Variants in DLGAP2 observed in about 807,000 individuals in gnomAD.
The protein encoded by DLGAP2 is DLG associated protein 2, also known as disks large-associated protein 2.
DLGAP2 carries 26 observed loss-of-function variants against 100.3 expected under a neutral mutation model. The observed-to-expected ratio is 0.26, with a 90% CI of 0.19 to 0.36. The LOEUF (loss-of-function observed/expected upper bound fraction) is 0.36. Ranked by LOEUF, DLGAP2 falls within the 10% of genes least tolerant of loss-of-function variation. The pLI, the probability that DLGAP2 is intolerant of heterozygous loss-of-function variation, is 1.00. For synonymous variants in DLGAP2, 886 were observed against 630.1 expected (o/e 1.41, Z -6.08); for missense variants, 1,858 against 1,453.2 (o/e 1.28, Z -4.53).
intron 3 of DLGAP2, among the ~76,000 whole-genome samples, chr8:1,371,913 C>A (rs1166770800): frequency 6.6e-6 from 1 of 152,230 alleles, no homozygotes; most frequent in Non-Finnish European, 1.5e-5. Context: ...GTGCAGGGCC[C>A]TTTTCAATAT....
At chr8:1,350,893 C>T (rs796169888) in intron 3 of DLGAP2, among the ~76,000 whole-genome samples, 44 of 24,906 alleles carry the variant, frequency 1.8e-3, no homozygotes, top group Admixed American at 3.6e-3. Flanking sequence ...CCTGACTGTG[C>T]GTGGAAAGGC....
At chr8:761,277 T>C (rs1177447598) in intron 1 of DLGAP2, among the ~76,000 whole-genome samples, 3 of 152,204 alleles carry the variant, frequency 2.0e-5, no homozygotes, top group Admixed American at 6.5e-5. Context: ...CTTCCATCTC[T>C]GTGGATTTCT....
In DLGAP2 at chr8:1,024,070, C is replaced by T. The variant is rs530864795; in HGVS notation, c.73+116104C>T. Among the ~76,000 whole-genome samples the T allele has an allele frequency of 5.9e-5, 9 of 152,132 alleles. No homozygotes were observed. The East Asian group carries it at 1.6e-3, about 26-fold the overall frequency. ...GTGCGGTGTGGGGTGTTTCAGACCT[C>T]TTCCTGCAGGACGAGGCCTCCGGCT... On this transcript the variant is annotated intron_variant, in intron 2 of 14. Coordinates refer to ENST00000637795, the MANE Select transcript of DLGAP2 (RefSeq NM_001346810.2).
chr8:1,538,331 G>T (rs762065435), intron 4 of DLGAP2, among the ~76,000 whole-genome samples: 1 of 152,098 alleles, frequency 6.6e-6, no homozygotes, highest in Non-Finnish European at 1.5e-5. Context: ...CAGGCTGTCC[G>T]TTCCCCCAAT....
intron 1 of DLGAP2, among the ~76,000 whole-genome samples, chr8:857,002 G>T (rs995423064): frequency 4.7e-4 from 72 of 152,198 alleles, no homozygotes; most frequent in African/African-American, 1.6e-3. Flanking sequence ...AGACAGTGTG[G>T]CACTGGTAAA....
At chr8:1,490,175 C>T (rs1282678061) in intron 3 of DLGAP2, among the ~76,000 whole-genome samples, 1 of 152,164 alleles carries the variant, frequency 6.6e-6, no homozygotes, top group African/African-American at 2.4e-5. Context: ...CAGGCATGAG[C>T]CACTGCGCCC....
chr8:1,419,553 C>T (rs541029843), intron 3 of DLGAP2, among the ~76,000 whole-genome samples: 5 of 151,894 alleles, frequency 3.3e-5, no homozygotes, highest in Non-Finnish European at 7.4e-5. Flanking sequence ...TCTTGTGTTA[C>T]ATGTTGATAC....
intron 3 of DLGAP2, among the ~76,000 whole-genome samples, chr8:1,417,642 C>A (rs1584878781): frequency 6.7e-6 from 1 of 148,228 alleles, no homozygotes; most frequent in Non-Finnish European, 1.5e-5. Flanking sequence ...CAGGGGGGCA[C>A]GGGGAGCCCC....
In DLGAP2 at chr8:1,676,596, G is replaced by T. The variant is rs1254223937; in HGVS notation, c.2266G>T (p.Val756Leu). Residue 756 changes from valine (V) to leucine (L), a missense_variant, in exon 11 of 15, where the codon GTG becomes TTG. Physicochemically the swap from Val to Leu is conservative, Grantham distance 32. Transcript: ENST00000637795. ...RGLREYHSVG[V>L]QVEDEKRHGR... ...TCTGCGGGAATACCACTCTGTCGGG[G>T]TGCAAGTGGAAGATGAGAAGCGGTA... 1 of 1,613,228 alleles carries T rather than the reference G, an allele frequency of 6.2e-7. No individual in the cohort carries two copies. The highest frequency in any genetic ancestry group is 1.1e-5 in the South Asian group (1 of 90,798).
chr8:1,137,795 T>C (rs897277704), intron 2 of DLGAP2: 6 of 152,242 alleles, frequency 3.9e-5, no homozygotes, highest in African/African-American at 1.2e-4. Context: ...CTATCTCTTT[T>C]TATTTTTTTT....
chr8:1,389,268 T>C (rs926177980), intron 3 of DLGAP2, among the ~76,000 whole-genome samples: 2 of 138,578 alleles, frequency 1.4e-5, no homozygotes, highest in East Asian at 3.9e-4. Flanking sequence ...CGTGGCTTCC[T>C]CCCAGTCAGT....
intron 2 of DLGAP2, among the ~76,000 whole-genome samples, chr8:1,191,332 G>C (rs527335900): frequency 6.6e-6 from 1 of 151,826 alleles, no homozygotes; most frequent in East Asian, 1.9e-4. Context: ...CACCACGCCC[G>C]GCTAATTTTT....
At chr8:1,672,798 T>C (rs1798723546) in intron 10 of DLGAP2, among the ~76,000 whole-genome samples, 1 of 152,196 alleles carries the variant, frequency 6.6e-6, no homozygotes, top group Non-Finnish European at 1.5e-5. Context: ...GCAGAGCACG[T>C]CTCAGAGGGA....
At chr8:1,291,392 A>C (rs10106530) in intron 3 of DLGAP2, among the ~76,000 whole-genome samples, 18,921 of 152,116 alleles carry the variant, frequency 0.12, 1,509 homozygotes, top group East Asian at 0.24. Flanking sequence ...TTACTCTCTA[A>C]AGTCACAATT....
At chr8:739,513 G>A (rs1156303153) in intron 1 of DLGAP2, 1 of 152,268 alleles carries the variant, frequency 6.6e-6, no homozygotes, top group Non-Finnish European at 1.5e-5. Flanking sequence ...GGCCTGAGGT[G>A]AACGCACCTT....
rs537111497 is a variant in DLGAP2 at position 1,254,995 on chromosome 8, C to T, written c.74-3856C>T. Among the ~76,000 whole-genome samples the T allele has an allele frequency of 3.5e-4, 42 of 119,092 alleles. 5 individuals are homozygous for T. The highest frequency in any genetic ancestry group is 1.7e-3 in the African/African-American group (40 of 23,092). The allele number at this position is 119,092 out of a possible 152,430, so 78.1% of individuals were successfully genotyped here. A position where few individuals can be genotyped will look rare whatever the true frequency, so the allele number is the denominator to read the frequency against. ...CCTGTCCGGGTGCTGTGTGTGTGTC[C>T]TCTCATCCTGCTTGGGCGCTGTGTG... On this transcript the variant is annotated intron_variant, in intron 2 of 14. Transcript: ENST00000637795.
chr8:1,548,629 CG>C lies in DLGAP2; in HGVS notation c.177del (p.Gln60SerfsTer22). 6.5e-7 allele frequency: 1 copy of C among 1,528,846 alleles called. No individual in the cohort carries two copies. The allele number at this position is 1,528,846 out of a possible 1,614,324, so 94.7% of individuals were successfully genotyped here. ...TGCCGTTTCTGTTTCCCCACAGACC[CG>C]CAGTACTCATGGTCGCCCACGCAGC... ...FPGPAEEDLD[P>X]QYSWSPTQHF... is the part of the protein sequence containing the mutation. On this transcript the variant is annotated frameshift_variant, in exon 5 of 15. Coordinates refer to ENST00000637795, the MANE Select transcript of DLGAP2 (RefSeq NM_001346810.2). LOFTEE classifies it high-confidence loss of function.
intron 6 of DLGAP2, among the ~76,000 whole-genome samples, chr8:1,617,032 G>C (rs1274168643): frequency 3.3e-5 from 5 of 152,156 alleles, no homozygotes; most frequent in African/African-American, 4.8e-5. Flanking sequence ...ATGGCCTCCA[G>C]CTCCATCCAT....
At chr8:1,133,129 T>G (rs1345546586) in intron 2 of DLGAP2, among the ~76,000 whole-genome samples, 1 of 152,190 alleles carries the variant, frequency 6.6e-6, no homozygotes, top group East Asian at 1.9e-4. Context: ...CAAACATCTC[T>G]GGAGCATTAG....
Sources: allele counts gnomAD v4.1 joint callset (sites outside exome capture counted in the v4.1 genomes callset), GRCh38; gene constraint gnomAD v4.1.1; transcripts MANE v1.5; gene names NCBI Gene and HGNC (gene_info 2026-07-23, HGNC 2026-07-21).